The following COL4A3 variants were observed in gnomAD, a reference collection of about 807,000 sequenced individuals.
The protein encoded by COL4A3 is collagen alpha-3(IV) chain.
Under a neutral mutation model 217.4 loss-of-function variants are expected in COL4A3, and 135 were observed. The observed-to-expected ratio is 0.62, with a 90% confidence interval of 0.54 to 0.72. The LOEUF (loss-of-function observed/expected upper bound fraction) is 0.72. Ranked by LOEUF, COL4A3 falls within the 30% of genes least tolerant of loss-of-function variation. The pLI, the probability that COL4A3 is intolerant of heterozygous loss-of-function variation, is 0.00. For missense variants in COL4A3, 1,868 were observed against 2,119.9 expected (o/e 0.88, Z 2.33); for synonymous variants, 690 against 736.3 (o/e 0.94, Z 1.02).
Position 227,240,124 on chromosome 2 carries a change from C to A in COL4A3, c.145-19C>A. On this transcript the variant is annotated intron_variant, in intron 2 of 51. Transcript: ENST00000396578. ...AGTTGCTGCTCTGTGTGTTTCTCAC[C>A]TCGTTTTGGTTTTAACAGGGGGAGA... The A allele has an allele frequency of 6.3e-7, 1 of 1,588,106 alleles. No homozygotes were observed. The highest frequency in any genetic ancestry group is 2.3e-5 in the East Asian group (1 of 43,986).
intron 1 of COL4A3, among the ~76,000 whole-genome samples, chr2:227,203,413 A>G (rs1174701022): frequency 1.5e-5 from 1 of 67,142 alleles, no homozygotes; most frequent in Non-Finnish European, 2.8e-5. Flanking sequence ...ACATACATAT[A>G]TGTGTATACA....
At chr2:227,272,859 C>A in intron 25 of COL4A3, 90 bp from the exon 26 acceptor site, 3 of 1,322,310 alleles carry the variant, frequency 2.3e-6, no homozygotes, top group Non-Finnish European at 3.3e-6. Flanking sequence ...CAATGACAGC[C>A]TAACTGGTAT....
In COL4A3 at chr2:227,256,360, G is replaced by A. The variant is rs2070175153; in HGVS notation, c.951G>A (p.Arg317=). ...FPGSEGVKGN[R]GFPGLMGEDG... is the part of the protein sequence containing the mutation. Reference sequence around the variant, plus strand: ...TTCTTTAGGGAGTCAAGGGCAACAGGGGTTTCCCTGGGTTAATGGGTGAAG... The same window carrying A: ...TTCTTTAGGGAGTCAAGGGCAACAGAGGTTTCCCTGGGTTAATGGGTGAAG... The change falls in exon 17 of 52, where the codon AGG becomes AGA. Residue 317 remains arginine, a synonymous_variant. Coordinates refer to ENST00000396578, the MANE Select transcript of COL4A3 (RefSeq NM_000091.5). 5 of 1,613,400 alleles carry A rather than the reference G, an allele frequency of 3.1e-6. No individual in the cohort carries two copies. Among genetic ancestry groups the A allele is most frequent in the Non-Finnish European group, 3.4e-6 (4 of 1,179,556 alleles).
rs11315628 is a variant in COL4A3, at chr2:227,172,581, CTT to C, written c.87+7791_87+7792del. 5.4e-3 allele frequency among the ~76,000 whole-genome samples: 395 copies of C among 73,580 alleles called. 2 individuals carry two copies. Among genetic ancestry groups the C allele is most frequent in the African/African-American group, 0.015 (271 of 17,698 alleles). 48.3% of individuals were successfully genotyped at this position (73,580 alleles called of 152,430 possible). The stretch of plus-strand genomic sequence containing the variant: ...CATCTTCTTCTTTCTTCGTCTTCTT[CTT>C]TTTTTTTTTTTTTTTTTTTTTTAGA... On this transcript the variant is annotated intron_variant, in intron 1 of 51. Transcript: ENST00000396578.
intron 19 of COL4A3, among the ~76,000 whole-genome samples, chr2:227,260,238 C>G (rs748322811): frequency 5.9e-5 from 9 of 152,194 alleles, no homozygotes; most frequent in Non-Finnish European, 1.3e-4. Context: ...CAAGGGGGAA[C>G]TGAAACCCTG....
chr2:227,221,868 G>T (rs928173039), intron 1 of COL4A3, among the ~76,000 whole-genome samples: 35 of 151,772 alleles, frequency 2.3e-4, no homozygotes, highest in African/African-American at 8.2e-4. Flanking sequence ...ATTTGAAGTT[G>T]GACATTAGGA....
intron 1 of COL4A3, among the ~76,000 whole-genome samples, chr2:227,218,856 T>TA (rs1232858752): frequency 1.4e-4 from 21 of 152,312 alleles, no homozygotes; most frequent in South Asian, 2.1e-4. Flanking sequence ...ATTTTGGTTG[T>TA]AAAAAAAGCA....
chr2:227,288,933 C>T (rs1464054356), intron 34 of COL4A3, among the ~76,000 whole-genome samples: 1 of 148,328 alleles, frequency 6.7e-6, no homozygotes, highest in Non-Finnish European at 1.5e-5. Flanking sequence ...ATTTTTGATG[C>T]CTGGTTTTTT....
chr2:227,266,287 T>C, intron 21 of COL4A3, 130 bp from the exon 22 acceptor site: 1 of 742,942 alleles, frequency 1.3e-6, no homozygotes, highest in Non-Finnish European at 2.4e-6. Context: ...CAGTTGCAGA[T>C]AAACTTCTAA....
intron 47 of COL4A3, among the ~76,000 whole-genome samples, chr2:227,306,251 T>C (rs1031904769): frequency 3.3e-5 from 5 of 152,216 alleles, no homozygotes; most frequent in Non-Finnish European, 7.3e-5. Context: ...AGTTCAATGC[T>C]ATGGAGGCCT....
At chr2:227,202,761 A>G (rs1197088626) in intron 1 of COL4A3, among the ~76,000 whole-genome samples, 1 of 137,708 alleles carries the variant, frequency 7.3e-6, no homozygotes, top group East Asian at 2.0e-4. Context: ...ATATATATAT[A>G]TATATATATA....
chr2:227,231,798 C>T (rs1220931920), intron 1 of COL4A3, among the ~76,000 whole-genome samples: 1 of 152,174 alleles, frequency 6.6e-6, no homozygotes, highest in African/African-American at 2.4e-5. Flanking sequence ...TCCCAATGTG[C>T]TGGGATTATA....
At chr2:227,211,345 T>C (rs2067314582) in intron 1 of COL4A3, among the ~76,000 whole-genome samples, 1 of 152,154 alleles carries the variant, frequency 6.6e-6, no homozygotes, top group East Asian at 1.9e-4. Flanking sequence ...TAACATCCCA[T>C]CCTATGAATG....
chr2:227,229,165 G>A (rs1038307741), intron 1 of COL4A3, among the ~76,000 whole-genome samples: 1 of 152,156 alleles, frequency 6.6e-6, no homozygotes, highest in African/African-American at 2.4e-5. Context: ...TGGCACACGG[G>A]CACTGCGAGA....
intron 3 of COL4A3, among the ~76,000 whole-genome samples, chr2:227,243,108 T>C (rs2069122458): frequency 6.6e-6 from 1 of 152,224 alleles, no homozygotes; most frequent in Admixed American, 6.5e-5. Flanking sequence ...TAGCCTACTC[T>C]GTTTAATTCT....
At chr2:227,279,015 A>G (rs952100531) in intron 28 of COL4A3, among the ~76,000 whole-genome samples, 1 of 152,030 alleles carries the variant, frequency 6.6e-6, no homozygotes, top group Non-Finnish European at 1.5e-5. Flanking sequence ...GGGCATTAAG[A>G]CTTAATTCTC....
chr2:227,181,921 A>C (rs2125674605), intron 1 of COL4A3, among the ~76,000 whole-genome samples: 1 of 152,336 alleles, frequency 6.6e-6, no homozygotes, highest in African/African-American at 2.4e-5. Context: ...AATACTAATG[A>C]GCAAAAACAT....
chr2:227,184,891 C>CTTT lies in COL4A3; in HGVS notation c.87+20104_87+20106dup, dbSNP rs34345055. ...TCCTTTGCATGGCTGCCTCACTGGC[C>CTTT]TTTTTTTTTTTTTTTTTTTTTTTTT... On this transcript the variant is annotated intron_variant, in intron 1 of 51. Transcript: ENST00000396578. Among the ~76,000 whole-genome samples, 23 of 62,568 alleles carry CTTT rather than the reference C, an allele frequency of 3.7e-4. 4 individuals carry two copies. The highest frequency in any genetic ancestry group is 5.2e-4 in the East Asian group (1 of 1,920). The allele number at this position is 62,568 out of a possible 152,430, so 41.0% of individuals were successfully genotyped here. A position where few individuals can be genotyped will look rare whatever the true frequency, so the allele number is the denominator to read the frequency against.
intron 1 of COL4A3, among the ~76,000 whole-genome samples, chr2:227,208,318 T>C (rs2067178480): frequency 6.6e-6 from 1 of 152,186 alleles, no homozygotes; most frequent in Non-Finnish European, 1.5e-5. Flanking sequence ...TCATGCGGCT[T>C]CTGGCTTCAA....
Sources: allele counts gnomAD v4.1 joint callset (sites outside exome capture counted in the v4.1 genomes callset), GRCh38; gene constraint gnomAD v4.1.1; transcripts MANE v1.5; gene names NCBI Gene and HGNC (gene_info 2026-07-23, HGNC 2026-07-21).